The following ABCD2 variants were observed in gnomAD, a reference collection of about 807,000 sequenced individuals.
ABCD2 encodes ATP-binding cassette sub-family D member 2.
A neutral mutation model predicts 70.9 loss-of-function variants in ABCD2; 36 were observed. The observed-to-expected ratio is 0.51, with a 90% CI of 0.39 to 0.67. The LOEUF (loss-of-function observed/expected upper bound fraction) is 0.67. ABCD2 is among the 30% of genes least tolerant of loss of function. The pLI, the probability that ABCD2 is intolerant of heterozygous loss-of-function variation, is 0.00. For synonymous variants in ABCD2, 304 were observed against 306.9 expected (o/e 0.99, Z 0.10); for missense variants, 729 against 890.2 (o/e 0.82, Z 2.30).
intron 6 of ABCD2, among the ~76,000 whole-genome samples, chr12:39,594,134 T>C (rs1941783241): frequency 6.6e-6 from 1 of 152,158 alleles, no homozygotes; most frequent in Admixed American, 6.5e-5. Context: ...TAGCTGGTGA[T>C]ACTTGCAAGG....
chr12:39,617,195 C>A, intron 1 of ABCD2, 27 bp from the exon 2 acceptor site: 2 of 1,468,442 alleles, frequency 1.4e-6, no homozygotes, highest in Non-Finnish European at 1.8e-6. Flanking sequence ...GAGTTGAGGA[C>A]TTTTTTTAAA....
chr12:39,576,327 T>G (rs1941516175), intron 8 of ABCD2, among the ~76,000 whole-genome samples: 4 of 151,968 alleles, frequency 2.6e-5, no homozygotes, highest in Admixed American at 6.6e-5. Context: ...GCCTGGCTAA[T>G]TTTTTTTAAT....
chr12:39,532,279 G>C, the ABCD2 span, among the ~76,000 whole-genome samples: 2 of 152,216 alleles, frequency 1.3e-5, no homozygotes, highest in Non-Finnish European at 2.9e-5. Flanking sequence ...AAAAGACTCA[G>C]AATAGTGGCA....
intron 7 of ABCD2, among the ~76,000 whole-genome samples, chr12:39,580,016 T>C (rs1941574844): frequency 6.6e-6 from 1 of 152,224 alleles, no homozygotes; most frequent in South Asian, 2.1e-4. Flanking sequence ...TTTAGGTGGC[T>C]CTCCTGTGCC....
intron 9 of ABCD2, among the ~76,000 whole-genome samples, chr12:39,565,619 A>G (rs567570559): frequency 6.6e-6 from 1 of 152,190 alleles, no homozygotes; most frequent in South Asian, 2.1e-4. Context: ...AATCCCCTTT[A>G]TTTCCTTTCC....
chr12:39,561,774 T>C (rs1263101853), intron 9 of ABCD2, among the ~76,000 whole-genome samples: 1 of 152,132 alleles, frequency 6.6e-6, no homozygotes, highest in East Asian at 1.9e-4. Flanking sequence ...TTTCAGCAAT[T>C]AGATCATCCA....
At chr12:39,566,655 T>G (rs1420455315) in intron 9 of ABCD2, among the ~76,000 whole-genome samples, 3 of 152,234 alleles carry the variant, frequency 2.0e-5, no homozygotes, top group Admixed American at 1.3e-4. Context: ...ATCTTAGTTA[T>G]TTCTTGCCTT....
chr12:39,534,657 A>G, the ABCD2 span, among the ~76,000 whole-genome samples: 4 of 148,064 alleles, frequency 2.7e-5, no homozygotes, highest in Non-Finnish European at 5.9e-5. Context: ...AAGAAAGAAA[A>G]AAAGAAAGAA....
At position 39,607,657 on chromosome 12, in the gene ABCD2, C is replaced by T; in HGVS notation, c.1178G>A (p.Arg393Gln). ...ATCAGCTCCAGAGGCCAGTAAATTT[C>T]GAGCAGTGGTAAAGGCTTCTGTCCG... ...SERTEAFTTARNLLASGADAI... is the reference protein window; with the variant it reads ...SERTEAFTTAQNLLASGADAI... Residue 393 changes from arginine (R) to glutamine (Q), a missense_variant, in exon 3 of 10, where the codon CGA (arginine) becomes CAA (glutamine). Arg to Gln is a conservative substitution (Grantham distance 43). Transcript: ENST00000308666. 2.5e-6 allele frequency: 4 copies of T among 1,613,386 alleles called. No individual in the cohort carries two copies. The highest frequency in any genetic ancestry group is 1.1e-5 in the South Asian group (1 of 91,036).
intron 9 of ABCD2, among the ~76,000 whole-genome samples, chr12:39,568,714 A>C (rs1466300573): frequency 6.6e-6 from 1 of 151,780 alleles, no homozygotes; most frequent in Admixed American, 6.6e-5. Context: ...TGATTTTTAG[A>C]GTTTCCAGTT....
intron 2 of ABCD2, 99 bp from the exon 3 acceptor site, chr12:39,607,813 A>T: frequency 1.3e-6 from 1 of 779,352 alleles, no homozygotes. Context: ...GGCTAAAACA[A>T]CCACATATTA....
At chr12:39,601,958 GGCCATTCTCTATTA>G (rs1941903917) in intron 5 of ABCD2, among the ~76,000 whole-genome samples, 1 of 151,502 alleles carries the variant, frequency 6.6e-6, no homozygotes, top group African/African-American at 2.4e-5. Context: ...ATTTCAATAG[GGCCATTCTCTATTA>G]GGCATTCTCA....
intron 9 of ABCD2, among the ~76,000 whole-genome samples, chr12:39,557,198 C>T (rs1566528424): frequency 6.6e-6 from 1 of 152,124 alleles, no homozygotes; most frequent in Non-Finnish European, 1.5e-5. Flanking sequence ...TGAGAATCTT[C>T]TTGGGAACTA....
At chr12:39,578,473 CAAAA>C (rs397850133) in intron 8 of ABCD2, among the ~76,000 whole-genome samples, 2 of 67,062 alleles carry the variant, frequency 3.0e-5, no homozygotes, top group Non-Finnish European at 3.2e-5. Context: ...GACTCCGTCT[CAAAA>C]AAAAAAAAAA....
At chr12:39,568,397 C>T (rs916236338) in intron 9 of ABCD2, among the ~76,000 whole-genome samples, 6 of 152,154 alleles carry the variant, frequency 3.9e-5, no homozygotes, top group Non-Finnish European at 5.9e-5. Context: ...CACTGATACC[C>T]TTTCTTCCAG....
chr12:39,607,521 G>T, intron 3 of ABCD2, 78 bp downstream of exon 3: 1 of 1,190,588 alleles, frequency 8.4e-7, no homozygotes, highest in Non-Finnish European at 1.2e-6. Flanking sequence ...AAAATACTAA[G>T]TATACTTGGT....
chr12:39,614,422 G>A lies in ABCD2; in HGVS notation c.1120+2566C>T, dbSNP rs76158499. 5.8e-3 allele frequency among the ~76,000 whole-genome samples: 884 copies of A among 152,216 alleles called. 10 individuals are homozygous for A. Among genetic ancestry groups the A allele is most frequent in the African/African-American group, 0.02 (836 of 41,536 alleles). ...AAGTGTATGTAACTTTCCCAGGAAA[G>A]GACAACTATCAAATAGCAGAGCCAA... On this transcript the variant is annotated intron_variant, in intron 2 of 9. Coordinates refer to ENST00000308666, the MANE Select transcript of ABCD2 (RefSeq NM_005164.4).
chr12:39,590,915 T>C (rs1025430916), intron 6 of ABCD2, among the ~76,000 whole-genome samples: 1 of 151,956 alleles, frequency 6.6e-6, no homozygotes, highest in South Asian at 2.1e-4. Flanking sequence ...ATTTCCTAAA[T>C]TGAGAGCAAA....
chr12:39,577,292 G>T (rs887509162), intron 8 of ABCD2, among the ~76,000 whole-genome samples: 1 of 151,722 alleles, frequency 6.6e-6, no homozygotes, highest in Non-Finnish European at 1.5e-5. Flanking sequence ...CATTTTTTAT[G>T]CTATGTTCTT....
Sources: allele counts gnomAD v4.1 joint callset (sites outside exome capture counted in the v4.1 genomes callset), GRCh38; gene constraint gnomAD v4.1.1; transcripts MANE v1.5; gene names NCBI Gene and HGNC (gene_info 2026-07-23, HGNC 2026-07-21).